EIF4G3: variants seen among roughly 807,000 people sequenced by gnomAD.
The protein encoded by EIF4G3 is eukaryotic translation initiation factor 4 gamma 3.
In EIF4G3, 34 loss-of-function variants were observed where a neutral mutation model predicts 186.4. That is an observed-to-expected ratio of 0.18 (90% CI 0.14 to 0.24). The LOEUF (loss-of-function observed/expected upper bound fraction) is 0.24. EIF4G3 is among the 10% of genes least tolerant of loss of function. EIF4G3 has a pLI of 1.00. For synonymous variants in EIF4G3, 673 were observed against 679.5 expected (o/e 0.99, Z 0.15); for missense variants, 1,536 against 1,948.5 (o/e 0.79, Z 3.99).
chr1:21,139,354 C>T (rs2097300320), intron 2 of EIF4G3, among the ~76,000 whole-genome samples: 1 of 152,040 alleles, frequency 6.6e-6, no homozygotes, highest in South Asian at 2.1e-4. Context: ...CATTGGGAGG[C>T]TGAGGCAGGA....
At chr1:20,816,392 C>A (rs1455070335) in intron 34 of EIF4G3, among the ~76,000 whole-genome samples, 1 of 120,476 alleles carries the variant, frequency 8.3e-6, no homozygotes, top group Admixed American at 7.7e-5. Flanking sequence ...CCCGCCCGGC[C>A]GGCCGCCCCG....
At chr1:20,943,974 T>TTGTGTGTG (rs1163268356) in intron 13 of EIF4G3, among the ~76,000 whole-genome samples, 54 of 62,532 alleles carry the variant, frequency 8.6e-4, no homozygotes, top group African/African-American at 2.7e-3. Flanking sequence ...TTTATTTTTT[T>TTGTGTGTG]TGTGTGTGTG....
chr1:20,956,284 T>C (rs912417762), intron 12 of EIF4G3, among the ~76,000 whole-genome samples: 35 of 152,170 alleles, frequency 2.3e-4, no homozygotes, highest in African/African-American at 8.5e-4. Flanking sequence ...TGTTTTTGTA[T>C]GGACAGTTAG....
At position 20,942,133 on chromosome 1, in the gene EIF4G3, A is replaced by G. The variant is rs2095740863; in HGVS notation, c.1021T>C (p.Ser341Pro). ...AATATTGGTTGGCTACTAAGAGCAG[A>G]AGAGGTGGGGGCTGCAATTGTACTT... ...ARSTIAAPTS[S>P]ALSSQPIFTT... Residue 341 changes from serine to proline, a missense_variant, in exon 14 of 37, where the codon TCT (serine) becomes CCT (proline). This residue lies in a region of EIF4G3 where 560 missense variants were observed against 547.8 expected (regional missense o/e 1.02). Transcript: ENST00000602326. 1 of 1,614,134 alleles carries G rather than the reference A, an allele frequency of 6.2e-7. No homozygotes were observed. The highest frequency in any genetic ancestry group is 1.3e-5 in the African/African-American group (1 of 75,054).
At chr1:21,032,021 C>T (rs752183513) in intron 4 of EIF4G3, among the ~76,000 whole-genome samples, 47 of 152,260 alleles carry the variant, frequency 3.1e-4, no homozygotes, top group Non-Finnish European at 5.7e-4. Flanking sequence ...TTTGTTGCTT[C>T]AGGTGGAGAG....
chr1:21,021,427 G>C (rs189214184), intron 4 of EIF4G3, among the ~76,000 whole-genome samples: 2 of 152,260 alleles, frequency 1.3e-5, no homozygotes, highest in African/African-American at 4.8e-5. Context: ...CAATTTCTCA[G>C]ACAATGAGCA....
At chr1:20,911,801 T>C (rs1031238448) in intron 14 of EIF4G3, among the ~76,000 whole-genome samples, 8 of 152,042 alleles carry the variant, frequency 5.3e-5, no homozygotes, top group Non-Finnish European at 8.8e-5. Flanking sequence ...AAGAGATCTT[T>C]ATTTTCCTTT....
chr1:21,023,052 A>G (rs189569392), intron 4 of EIF4G3, among the ~76,000 whole-genome samples: 1 of 152,256 alleles, frequency 6.6e-6, no homozygotes. Context: ...CTCAAACTAT[A>G]CTTGACTTCA....
intron 3 of EIF4G3, among the ~76,000 whole-genome samples, chr1:21,070,276 A>C (rs759862346): frequency 2.0e-4 from 31 of 152,192 alleles, no homozygotes; most frequent in Non-Finnish European, 4.1e-4. Flanking sequence ...TTGCTACAAT[A>C]ATGTATAAAC....
intron 14 of EIF4G3, among the ~76,000 whole-genome samples, chr1:20,925,557 AGGGTCTTGCTAT>A (rs2094825562): frequency 6.6e-6 from 1 of 152,226 alleles, no homozygotes; most frequent in Non-Finnish European, 1.5e-5. Flanking sequence ...TTTTAGCAAC[AGGGTCTTGCTAT>A]GCTGCCCAAG....
intron 4 of EIF4G3, among the ~76,000 whole-genome samples, chr1:21,007,708 G>A (rs143732045): frequency 1.1e-4 from 16 of 151,510 alleles, no homozygotes; most frequent in Admixed American, 9.2e-4. Flanking sequence ...GCAAATTGTA[G>A]AATTTTTAAG....
At chr1:21,097,910 C>T (rs945175383) in intron 2 of EIF4G3, among the ~76,000 whole-genome samples, 8 of 151,818 alleles carry the variant, frequency 5.3e-5, no homozygotes, top group Admixed American at 4.6e-4. Flanking sequence ...CCAAGAGTTC[C>T]TAGATAACAC....
chr1:20,947,716 T>C (rs888591783), intron 13 of EIF4G3, among the ~76,000 whole-genome samples: 1 of 152,214 alleles, frequency 6.6e-6, no homozygotes, highest in Non-Finnish European at 1.5e-5. Flanking sequence ...GCATTAGTTA[T>C]AACCTCTGAA....
intron 3 of EIF4G3, among the ~76,000 whole-genome samples, chr1:21,079,743 T>G (rs1203009881): frequency 6.6e-6 from 1 of 150,880 alleles, no homozygotes; most frequent in Admixed American, 6.6e-5. Context: ...TGGTGGCTCA[T>G]GCCTGTAATC....
At chr1:20,990,059 TC>T (rs945237554) in intron 7 of EIF4G3, among the ~76,000 whole-genome samples, 3 of 151,816 alleles carry the variant, frequency 2.0e-5, no homozygotes, top group Middle Eastern at 3.4e-3. Flanking sequence ...GTGCCTAAAG[TC>T]CCCGCAACTC....
chr1:20,996,459 C>T (rs976647910), intron 7 of EIF4G3, among the ~76,000 whole-genome samples: 6 of 152,278 alleles, frequency 3.9e-5, no homozygotes, highest in South Asian at 4.1e-4. Flanking sequence ...CTGCAAAGTA[C>T]CTTTAATAAC....
chr1:20,849,562 A>G (rs1024271661), intron 28 of EIF4G3, 32 bp from the exon 29 acceptor site: 1 of 1,049,364 alleles, frequency 9.5e-7, no homozygotes, highest in South Asian at 1.7e-5. Context: ...AAAAGTAAAA[A>G]TAATAAAAAT....
chr1:20,853,669 G>C lies in EIF4G3; in HGVS notation c.3442C>G (p.Arg1148Gly). 6.2e-7 allele frequency: 1 copy of C among 1,609,168 alleles called. No homozygotes were observed. The highest frequency in any genetic ancestry group is 8.5e-7 in the Non-Finnish European group (1 of 1,176,908). Reference protein sequence around the residue: ...GAKASETDALRSSASSLNRFS... With the variant: ...GAKASETDALGSSASSLNRFS... The stretch of plus-strand genomic sequence containing the variant: ...CTGTTTAAACTGGAAGCACTTGACC[G>C]TAAGGCATCTACACATGTCGAGGAT... Residue 1148 changes from arginine to glycine, a missense_variant, in exon 27 of 37, where the codon CGG becomes GGG. Physicochemically the swap from Arg to Gly is moderately radical, Grantham distance 125. Transcript: ENST00000602326.
chr1:20,981,023 C>A (rs748933893), intron 9 of EIF4G3, 25 bp downstream of exon 9: 2 of 1,476,284 alleles, frequency 1.4e-6, no homozygotes, highest in East Asian at 2.4e-5. Flanking sequence ...ATTGCTGGAC[C>A]ACCTAGGCCT....
Sources: gnomAD v4.1 joint callset for allele counts (sites outside exome capture counted in the v4.1 genomes callset) on GRCh38, gnomAD v4.1.1 for gene constraint, gnomAD v4.1.1 regional missense constraint, MANE v1.5 for transcripts, NCBI Gene and HGNC (gene_info 2026-07-23, HGNC 2026-07-21) for gene names.